The following NEBL variants were observed in gnomAD, a reference collection of about 807,000 sequenced individuals.
NEBL encodes nebulette, also known as LIM and SH3 protein 2.
In NEBL, 122 loss-of-function variants were observed where a neutral mutation model predicts 140.2. That is an observed-to-expected ratio of 0.87 (90% CI 0.75 to 1.01). The LOEUF (loss-of-function observed/expected upper bound fraction) is 1.01, where lower values mean the gene tolerates loss of function less well. NEBL is among the 50% of genes least tolerant of loss of function. NEBL has a pLI of 0.00. For missense variants in NEBL, 1,365 were observed against 1,231.3 expected, an observed-to-expected ratio of 1.11 and a Z score of -1.62; for synonymous variants, 436 against 398.9, an observed-to-expected ratio of 1.09 and a Z score of -1.11.
chr10:21,109,722 T>G (rs774704203), intron 2 of NEBL, among the ~76,000 whole-genome samples: 1 of 152,198 alleles, frequency 6.6e-6, no homozygotes, highest in Non-Finnish European at 1.5e-5. Flanking sequence ...CCTGGTTTAG[T>G]CTTGGGAGAA....
At chr10:21,056,895 C>T (rs905758387) in intron 2 of NEBL, among the ~76,000 whole-genome samples, 5 of 152,260 alleles carry the variant, frequency 3.3e-5, no homozygotes, top group African/African-American at 9.6e-5. Flanking sequence ...CCATGCAGTA[C>T]AGCTAATCCC....
chr10:20,961,931 G>A, intron 3 of NEBL: 1 of 639,816 alleles, frequency 1.6e-6, no homozygotes, highest in Non-Finnish European at 2.8e-6. Flanking sequence ...GAAACAGCCA[G>A]GCTACCTGGT....
chr10:20,959,584 G>A (rs1835956910), intron 4 of NEBL, among the ~76,000 whole-genome samples: 1 of 152,126 alleles, frequency 6.6e-6, no homozygotes, highest in Non-Finnish European at 1.5e-5. Flanking sequence ...TGAAGTTGCA[G>A]TCTTATAAAT....
intron 2 of NEBL, among the ~76,000 whole-genome samples, chr10:21,060,994 T>C (rs1421272226): frequency 6.6e-6 from 1 of 151,878 alleles, no homozygotes. Flanking sequence ...GAAAGATTTG[T>C]TGAAGTCCTA....
chr10:21,104,540 A>C (rs1837621768), intron 2 of NEBL, among the ~76,000 whole-genome samples: 1 of 152,228 alleles, frequency 6.6e-6, no homozygotes, highest in South Asian at 2.1e-4. Context: ...GCTTATTGCC[A>C]GTACATAGAA....
At chr10:20,899,488 C>CT (rs1230735565), upstream of NEBL, 3 of 1,217,442 alleles carry the variant, frequency 2.5e-6, no homozygotes, top group South Asian at 1.4e-5. Context: ...AATGCACAAA[C>CT]TTTTGAAAAC....
At chr10:20,891,846 TATGA>T in intron 2 of NEBL, among the ~76,000 whole-genome samples, 1 of 152,292 alleles carries the variant, frequency 6.6e-6, no homozygotes, top group Non-Finnish European at 1.5e-5. Flanking sequence ...AATTGTGCAA[TATGA>T]ATGACAATAA....
At chr10:21,027,327 T>TA (rs1833548884) in intron 2 of NEBL, among the ~76,000 whole-genome samples, 1 of 43,120 alleles carries the variant, frequency 2.3e-5, no homozygotes, top group East Asian at 1.5e-3. Flanking sequence ...ACTTTTTTTG[T>TA]TTTTTTTTTT....
intron 2 of NEBL, among the ~76,000 whole-genome samples, chr10:21,037,763 T>C (rs1267084107): frequency 4.6e-5 from 7 of 151,986 alleles, no homozygotes; most frequent in Admixed American, 2.6e-4. Flanking sequence ...GATAGAATAA[T>C]GGAATGAACA....
chr10:20,936,250 A>G (rs1221327433), intron 4 of NEBL, among the ~76,000 whole-genome samples: 4 of 152,224 alleles, frequency 2.6e-5, no homozygotes, highest in Non-Finnish European at 5.9e-5. Flanking sequence ...TCCATTTTAC[A>G]GATGTGGAAA....
intron 1 of NEBL, among the ~76,000 whole-genome samples, chr10:21,268,746 A>T (rs1369352635): frequency 1.3e-5 from 2 of 151,940 alleles, no homozygotes; most frequent in Non-Finnish European, 2.9e-5. Flanking sequence ...GCTGGTCTCG[A>T]ACTTCTGACC....
intron 5 of NEBL, among the ~76,000 whole-genome samples, chr10:20,874,559 A>G (rs1845296119): frequency 6.6e-6 from 1 of 152,214 alleles, no homozygotes. Flanking sequence ...CAGAGCCCAA[A>G]GATGGGAAGA....
intron 11 of NEBL, among the ~76,000 whole-genome samples, chr10:20,847,999 T>A (rs1342049225): frequency 6.6e-6 from 1 of 152,188 alleles, no homozygotes; most frequent in Non-Finnish European, 1.5e-5. Context: ...TGCACATTTT[T>A]TTTCTAAATG....
intron 2 of NEBL, among the ~76,000 whole-genome samples, chr10:20,894,184 A>G (rs1847250105): frequency 6.6e-6 from 1 of 152,242 alleles, no homozygotes; most frequent in South Asian, 2.1e-4. Context: ...ACAGAAACGA[A>G]GCAGGGCCAG....
chr10:20,843,585 G>A (rs1841591576), intron 12 of NEBL, among the ~76,000 whole-genome samples: 1 of 152,052 alleles, frequency 6.6e-6, no homozygotes, highest in Non-Finnish European at 1.5e-5. Context: ...TTAAATGGAA[G>A]ACAACAGTAG....
chr10:21,223,376 G>GA (rs1202691323), intron 3 of NEBL, among the ~76,000 whole-genome samples: 1 of 152,194 alleles, frequency 6.6e-6, no homozygotes, highest in Non-Finnish European at 1.5e-5. Context: ...CAAATGATAG[G>GA]ATCACATTCT....
intron 4 of NEBL, among the ~76,000 whole-genome samples, chr10:20,956,039 G>T (rs947615716): frequency 6.6e-6 from 1 of 152,220 alleles, no homozygotes; most frequent in Admixed American, 6.5e-5. Context: ...TTACTGGTCT[G>T]GGATGTATTT....
chr10:20,791,703 T>G (rs1223035271), intron 26 of NEBL, among the ~76,000 whole-genome samples: 1 of 152,088 alleles, frequency 6.6e-6, no homozygotes, highest in Non-Finnish European at 1.5e-5. Flanking sequence ...TAAGAACATG[T>G]TAAGAGGCTC....
intron 26 of NEBL, among the ~76,000 whole-genome samples, chr10:20,797,542 G>A (rs1278523937): frequency 6.6e-6 from 1 of 152,146 alleles, no homozygotes; most frequent in African/African-American, 2.4e-5. Flanking sequence ...CTGACTCGAT[G>A]TGTCCCCAAC....
Sources: gnomAD v4.1 joint callset for allele counts (sites outside exome capture counted in the v4.1 genomes callset) on GRCh38, gnomAD v4.1.1 for gene constraint, MANE v1.5 for transcripts, NCBI Gene and HGNC (gene_info 2026-07-23, HGNC 2026-07-21) for gene names.